Variants in TFDP2 observed in about 807,000 individuals in gnomAD.
TFDP2 encodes transcription factor Dp-2, also known as transcription factor Dp-2 (E2F dimerization partner 2).
In TFDP2, 17 loss-of-function variants were observed where a neutral mutation model predicts 59.3. The observed-to-expected ratio is 0.29, with a 90% confidence interval of 0.20 to 0.43. The LOEUF (loss-of-function observed/expected upper bound fraction) is 0.43, where lower values mean the gene tolerates loss of function less well. Ranked by LOEUF, TFDP2 falls within the 20% of genes least tolerant of loss-of-function variation. The pLI, the probability that TFDP2 is intolerant of heterozygous loss-of-function variation, is 1.00. For missense variants in TFDP2, 391 were observed against 528.8 expected (o/e 0.74, Z 2.56); for synonymous variants, 180 against 194.7 (o/e 0.92, Z 0.63).
intron 7 of TFDP2, among the ~76,000 whole-genome samples, chr3:141,975,693 C>CA (rs537962821): frequency 0.38 from 36,139 of 95,750 alleles, 5,997 homozygotes; most frequent in African/African-American, 0.53. Context: ...GACTCTGTCT[C>CA]AAAAAAAAAA....
intron 3 of TFDP2, among the ~76,000 whole-genome samples, chr3:142,009,738 G>T (rs1314528476): frequency 6.7e-6 from 1 of 148,582 alleles, no homozygotes; most frequent in Non-Finnish European, 1.5e-5. Context: ...GAAAGAAAAA[G>T]AAAAAGAAAT....
rs1946330579 is a variant in TFDP2 at position 142,029,707 on chromosome 3, C to T, written c.83-24163G>A. On this transcript the variant is annotated intron_variant, in intron 3 of 12. Transcript: ENST00000489671. ...CAACTGAGATAAAATTTTCAACTAG[C>T]AAGATGTAAAGATAATTTACCAAGG... 2.0e-5 allele frequency among the ~76,000 whole-genome samples: 3 copies of T among 152,064 alleles called. No homozygotes were observed. The South Asian group carries it at 6.2e-4, about 32-fold the overall frequency.
intron 3 of TFDP2, among the ~76,000 whole-genome samples, chr3:142,052,833 G>C (rs978527931): frequency 6.6e-6 from 1 of 151,398 alleles, no homozygotes; most frequent in African/African-American, 2.4e-5. Flanking sequence ...TTTTTGAGAT[G>C]GAGTCTTGCT....
At chr3:142,087,445 C>T (rs2060837307) in intron 3 of TFDP2, among the ~76,000 whole-genome samples, 1 of 151,946 alleles carries the variant, frequency 6.6e-6, no homozygotes, top group Non-Finnish European at 1.5e-5. Flanking sequence ...TCATTATTGA[C>T]TGAAACATCA....
chr3:141,946,691 A>G lies in TFDP2; in HGVS notation c.*5822T>C, dbSNP rs1935283956. 1 of 152,150 alleles carries G rather than the reference A, an allele frequency of 6.6e-6. No individual in the cohort carries two copies. The highest frequency in any genetic ancestry group is 1.9e-4 in the East Asian group (1 of 5,192). 9.4% of individuals were successfully genotyped at this position (152,150 alleles called of 1,614,324 possible). ...TTTGGTTAAGGGACTACTTCCTGAG[A>G]AACGTTATAATTTATGTGGGTATTG... On this transcript the variant is annotated 3_prime_UTR_variant, in exon 13 of 13. Transcript: ENST00000489671.
chr3:141,970,244 C>A (rs1395226872), intron 8 of TFDP2, 103 bp from the exon 9 acceptor site: 9 of 1,093,084 alleles, frequency 8.2e-6, no homozygotes, highest in South Asian at 1.3e-5. Flanking sequence ...CCTAGAGAAA[C>A]TGAACCCATT....
In TFDP2 at chr3:142,038,222, A is replaced by C. The variant is rs555612911; in HGVS notation, c.83-32678T>G. Reference sequence around the variant, plus strand: ...ACACAGTGAAACCCTGTCTCTACTAAAAATACAAAAGATTAGTCGGGAGTA... The same window carrying C: ...ACACAGTGAAACCCTGTCTCTACTACAAATACAAAAGATTAGTCGGGAGTA... On this transcript the variant is annotated intron_variant, in intron 3 of 12. Transcript: ENST00000489671. Among the ~76,000 whole-genome samples, 10 of 152,192 alleles carry C rather than the reference A, an allele frequency of 6.6e-5. No homozygotes were observed. In the South Asian group the frequency reaches 1.7e-3, roughly 25 times the overall value.
At chr3:141,968,526 AT>A (rs1938705915) in intron 9 of TFDP2, among the ~76,000 whole-genome samples, 1 of 110,772 alleles carries the variant, frequency 9.0e-6, no homozygotes. Flanking sequence ...TCTCATATAT[AT>A]AGATATATAT....
In TFDP2 at chr3:141,947,141, A is replaced by T. The variant is rs1935337542; in HGVS notation, c.*5372T>A. On this transcript the variant is annotated 3_prime_UTR_variant, in exon 13 of 13. Transcript: ENST00000489671. ...ATCAACTGGGAATTTGAGGGCAGGG[A>T]GGCACATTGCTGAGGGTCATTCAAA... is the stretch of plus-strand genomic sequence containing the variant. 1 of 152,248 alleles carries T rather than the reference A, an allele frequency of 6.6e-6. No individual in the cohort carries two copies. The highest frequency in any genetic ancestry group is 2.4e-5 in the African/African-American group (1 of 41,460). 9.4% of individuals were successfully genotyped at this position (152,248 alleles called of 1,614,324 possible). A position where few individuals can be genotyped will look rare whatever the true frequency, so the allele number is the denominator to read the frequency against.
At chr3:141,970,927 G>A (rs780409302) in intron 8 of TFDP2, among the ~76,000 whole-genome samples, 8 of 151,866 alleles carry the variant, frequency 5.3e-5, no homozygotes, top group South Asian at 2.1e-4. Context: ...GTGTGGTGGC[G>A]CGCATCTGTA....
intron 3 of TFDP2, among the ~76,000 whole-genome samples, chr3:142,080,239 A>G (rs1047321962): frequency 6.6e-6 from 1 of 152,228 alleles, no homozygotes; most frequent in African/African-American, 2.4e-5. Flanking sequence ...TGCTGGGATC[A>G]CAGGAATGAG....
chr3:142,075,182 A>G (rs1045305820), intron 3 of TFDP2, among the ~76,000 whole-genome samples: 3 of 152,228 alleles, frequency 2.0e-5, no homozygotes, highest in Non-Finnish European at 4.4e-5. Flanking sequence ...AAGCACAGGC[A>G]ACAAAAGAGA....
chr3:142,103,325 A>G (rs1181608133), intron 1 of TFDP2, among the ~76,000 whole-genome samples: 1 of 152,142 alleles, frequency 6.6e-6, no homozygotes, highest in African/African-American at 2.4e-5. Flanking sequence ...CAGGACACTG[A>G]ACTAGAAAAA....
At position 142,100,940 on chromosome 3, in the gene TFDP2, T is replaced by C. The variant is rs576487825; in HGVS notation, c.15+795A>G. Among the ~76,000 whole-genome samples the C allele has an allele frequency of 1.1e-4, 16 of 152,298 alleles. 1 individual carries two copies. The South Asian group carries it at 2.9e-3, about 28-fold the overall frequency. Reference sequence around the variant, plus strand: ...TGAGGGCCCATAAAATTCCCACTCTTAAATTCCTTGAGATATCCCTGCATC... The same window carrying C: ...TGAGGGCCCATAAAATTCCCACTCTCAAATTCCTTGAGATATCCCTGCATC... On this transcript the variant is annotated intron_variant, in intron 2 of 12. Coordinates refer to ENST00000489671, the MANE Select transcript of TFDP2 (RefSeq NM_001178139.2).
At chr3:142,106,939 A>T (rs2061491284) in intron 1 of TFDP2, among the ~76,000 whole-genome samples, 1 of 152,238 alleles carries the variant, frequency 6.6e-6, no homozygotes, top group Admixed American at 6.5e-5. Context: ...AAGCAGTAAC[A>T]TAATTTGAAT....
intron 1 of TFDP2, among the ~76,000 whole-genome samples, chr3:142,138,398 C>A (rs1016630659): frequency 1.3e-5 from 2 of 152,104 alleles, no homozygotes; most frequent in African/African-American, 4.8e-5. Context: ...TTAGTTATTT[C>A]TTGCCTTCCG....
At chr3:142,072,721 G>A (rs1234835740) in intron 3 of TFDP2, among the ~76,000 whole-genome samples, 1 of 152,170 alleles carries the variant, frequency 6.6e-6, no homozygotes, top group African/African-American at 2.4e-5. Flanking sequence ...CTGGAAATGT[G>A]AGCAAGAAAA....
chr3:141,991,559 G>C (rs1284903169), intron 6 of TFDP2, among the ~76,000 whole-genome samples: 1 of 152,146 alleles, frequency 6.6e-6, no homozygotes, highest in African/African-American at 2.4e-5. Flanking sequence ...AGGAGTTAAA[G>C]ACCAGCCTGG....
At chr3:142,083,886 C>T (rs1468905477) in intron 3 of TFDP2, among the ~76,000 whole-genome samples, 2 of 152,182 alleles carry the variant, frequency 1.3e-5, no homozygotes, top group African/African-American at 4.8e-5. Flanking sequence ...TCTAAGACCT[C>T]AATCTATGAA....
Sources: allele counts gnomAD v4.1 joint callset (sites outside exome capture counted in the v4.1 genomes callset), GRCh38; gene constraint gnomAD v4.1.1; transcripts MANE v1.5; gene names NCBI Gene and HGNC (gene_info 2026-07-23, HGNC 2026-07-21).